The following MBNL2 variants were observed in gnomAD, a reference collection of about 807,000 sequenced individuals.
The protein encoded by MBNL2 is muscleblind-like protein 2.
Under a neutral mutation model 41.9 loss-of-function variants are expected in MBNL2, and 17 were observed. The observed-to-expected ratio is 0.41, with a 90% CI of 0.28 to 0.61. The LOEUF (loss-of-function observed/expected upper bound fraction) is 0.61, where lower values mean the gene tolerates loss of function less well. Ranked by LOEUF, MBNL2 falls within the 20% of genes least tolerant of loss-of-function variation. The pLI, the probability that MBNL2 is intolerant of heterozygous loss-of-function variation, is 0.35. For synonymous variants in MBNL2, 195 were observed against 182.9 expected (o/e 1.07, Z -0.53); for missense variants, 336 against 505.6 (o/e 0.66, Z 3.22).
chr13:97,150,291 G>A, the MBNL2 span, among the ~76,000 whole-genome samples: 8 of 152,254 alleles, frequency 5.3e-5, no homozygotes, highest in African/African-American at 1.7e-4. Context: ...CTGAAAAGCC[G>A]AATTTAACAA....
At chr13:97,369,271 G>A (rs556554032) in intron 8 of MBNL2, among the ~76,000 whole-genome samples, 1 of 152,074 alleles carries the variant, frequency 6.6e-6, no homozygotes, top group Non-Finnish European at 1.5e-5. Context: ...TCATACCCAC[G>A]TGGATTATGT....
At chr13:97,254,799 T>C (rs2047214482) in intron 1 of MBNL2, among the ~76,000 whole-genome samples, 2 of 152,182 alleles carry the variant, frequency 1.3e-5, no homozygotes, top group South Asian at 2.1e-4. Flanking sequence ...TTGTCAAATA[T>C]GAGCAAACAC....
intron 1 of MBNL2, among the ~76,000 whole-genome samples, chr13:97,257,255 A>G (rs1365092324): frequency 6.6e-6 from 1 of 152,124 alleles, no homozygotes; most frequent in Non-Finnish European, 1.5e-5. Context: ...TTAAGGAACA[A>G]GGAGCAGGAG....
intron 2 of MBNL2, among the ~76,000 whole-genome samples, chr13:97,319,896 T>G (rs952755428): frequency 6.6e-6 from 1 of 152,198 alleles, no homozygotes; most frequent in African/African-American, 2.4e-5. Flanking sequence ...GCTGACTAGT[T>G]TCACTGGTAG....
the MBNL2 span, among the ~76,000 whole-genome samples, chr13:97,184,308 C>T: frequency 1.3e-5 from 2 of 152,134 alleles, no homozygotes; most frequent in Non-Finnish European, 2.9e-5. Flanking sequence ...AATAATCTCT[C>T]TTTTCTTAAA....
Position 97,391,850 on chromosome 13 carries a change from A to G in MBNL2, c.*401A>G, listed in dbSNP as rs960334821. 2.4e-5 allele frequency: 4 copies of G among 167,536 alleles called. No homozygotes were observed. The highest frequency in any genetic ancestry group is 9.6e-5 in the African/African-American group (4 of 41,582). The allele number at this position is 167,536 out of a possible 1,614,324, so 10.4% of individuals were successfully genotyped here. A position where few individuals can be genotyped will look rare whatever the true frequency, so the allele number is the denominator to read the frequency against. ...CAAAGGGTATGTTTCACTTCTTGAC[A>G]ATATAAATGCTGCAGCAAAGATGAG... On this transcript the variant is annotated 3_prime_UTR_variant, in exon 9 of 9. Coordinates refer to ENST00000679496, the MANE Select transcript of MBNL2 (RefSeq NM_001382683.1).
chr13:97,178,062 AATAAAAAGACATTG>A, the MBNL2 span, among the ~76,000 whole-genome samples: 1 of 152,236 alleles, frequency 6.6e-6, no homozygotes, highest in South Asian at 2.1e-4. Context: ...TAAATCAACA[AATAAAAAGACATTG>A]AGTCTTGGAA....
intron 7 of MBNL2, among the ~76,000 whole-genome samples, chr13:97,361,053 T>C (rs2063351046): frequency 6.6e-6 from 1 of 152,222 alleles, no homozygotes; most frequent in African/African-American, 2.4e-5. Context: ...CCGTGGTATG[T>C]TCTGGGTTCC....
chr13:97,239,425 C>A (rs144300531), intron 1 of MBNL2, among the ~76,000 whole-genome samples: 1 of 152,176 alleles, frequency 6.6e-6, no homozygotes, highest in African/African-American at 2.4e-5. Flanking sequence ...AGTATTGAGG[C>A]AGGCATTTCT....
the MBNL2 span, among the ~76,000 whole-genome samples, chr13:97,208,578 C>G: frequency 6.6e-6 from 1 of 152,020 alleles, no homozygotes; most frequent in Admixed American, 6.6e-5. Context: ...CTATTACAGG[C>G]CATGTAAAAA....
Position 97,391,637 on chromosome 13 carries a change from C to G in MBNL2, c.*188C>G. The G allele has an allele frequency of 2.0e-6, 1 of 511,420 alleles. No homozygotes were observed. The highest frequency in any genetic ancestry group is 3.4e-6 in the Non-Finnish European group (1 of 294,290). The allele number at this position is 511,420 out of a possible 1,614,324, so 31.7% of individuals were successfully genotyped here. A position where few individuals can be genotyped will look rare whatever the true frequency, so the allele number is the denominator to read the frequency against. ...TTTAAAGGGTTTCTAAACATAGTTT[C>G]TGTCCTAGGAATATTGTCTTATCTC... On this transcript the variant is annotated 3_prime_UTR_variant, in exon 9 of 9. Coordinates refer to ENST00000679496, the MANE Select transcript of MBNL2 (RefSeq NM_001382683.1).
At chr13:97,241,148 T>A (rs2044198697) in intron 1 of MBNL2, among the ~76,000 whole-genome samples, 1 of 152,236 alleles carries the variant, frequency 6.6e-6, no homozygotes, top group Admixed American at 6.5e-5. Flanking sequence ...AGGTGTTTCC[T>A]GGAACTGAAG....
At chr13:97,313,105 G>A (rs1295493522) in intron 2 of MBNL2, among the ~76,000 whole-genome samples, 2 of 152,106 alleles carry the variant, frequency 1.3e-5, no homozygotes, top group Non-Finnish European at 2.9e-5. Context: ...CAAATAGATA[G>A]GCCAAAAAGA....
At chr13:97,355,583 C>T (rs377757282) in intron 5 of MBNL2, among the ~76,000 whole-genome samples, 19 of 151,730 alleles carry the variant, frequency 1.3e-4, no homozygotes, top group Admixed American at 7.2e-4. Context: ...ATTTTATTTG[C>T]AAAGAATTCC....
intron 3 of MBNL2, among the ~76,000 whole-genome samples, chr13:97,338,674 C>G (rs1017216317): frequency 5.3e-5 from 8 of 152,138 alleles, no homozygotes; most frequent in Non-Finnish European, 1.0e-4. Context: ...TATGTGCACT[C>G]AAGATAAAGA....
chr13:97,314,047 G>A (rs2058828248), intron 2 of MBNL2, among the ~76,000 whole-genome samples: 1 of 152,154 alleles, frequency 6.6e-6, no homozygotes, highest in Non-Finnish European at 1.5e-5. Flanking sequence ...CTCAATCAGA[G>A]TAAAAGCCAA....
At chr13:97,278,396 C>T (rs967239871) in intron 2 of MBNL2, among the ~76,000 whole-genome samples, 4 of 152,034 alleles carry the variant, frequency 2.6e-5, no homozygotes, top group Admixed American at 6.6e-5. Flanking sequence ...AAACCTTCTC[C>T]AATTGGGTAT....
rs183878821 is a variant in MBNL2 at position 97,384,839 on chromosome 13, G to A, written c.1049-6483G>A. Among the ~76,000 whole-genome samples, 11 of 152,244 alleles carry A rather than the reference G, an allele frequency of 7.2e-5. No homozygotes were observed. In the East Asian group the frequency reaches 2.1e-3, roughly 29 times the overall value. On this transcript the variant is annotated intron_variant, in intron 8 of 8. Transcript: ENST00000679496. The stretch of plus-strand genomic sequence containing the variant: ...AAAAGATTTCTAAGAAACCTACCAA[G>A]TCTAGAAGGTTACTTTAGGTGAATT...
In MBNL2 at chr13:97,334,392, T is replaced by C; in HGVS notation, c.291T>C (p.Leu97=). ...AGCAAAAAACTGCAGCAGCAATGCT[T>C]GCCCAGCAGATGCAATTTATGTTTC... The part of the protein sequence containing the change: ...LIQQKTAAAM[L]AQQMQFMFPG... The change falls in exon 3 of 9, where the codon CTT becomes CTC. Residue 97 remains leucine, a synonymous_variant. Coordinates refer to ENST00000679496, the MANE Select transcript of MBNL2 (RefSeq NM_001382683.1). The surrounding 1 kb of genome is among the most constrained non-coding windows in gnomAD (Gnocchi z 5.3). 5 of 1,613,682 alleles carry C rather than the reference T, an allele frequency of 3.1e-6. No homozygotes were observed. Among genetic ancestry groups the C allele is most frequent in the Non-Finnish European group, 4.2e-6 (5 of 1,179,724 alleles).
Sources: gnomAD v4.1 joint callset for allele counts (sites outside exome capture counted in the v4.1 genomes callset) on GRCh38, gnomAD v4.1.1 for gene constraint, Gnocchi (gnomAD v3.1) non-coding constraint, MANE v1.5 for transcripts, NCBI Gene and HGNC (gene_info 2026-07-23, HGNC 2026-07-21) for gene names.